PDE4D: variants seen among roughly 807,000 people sequenced by gnomAD.
PDE4D encodes 3',5'-cyclic-AMP phosphodiesterase 4D.
Under a neutral mutation model 87.4 loss-of-function variants are expected in PDE4D, and 24 were observed. The observed-to-expected ratio is 0.27, with a 90% CI of 0.20 to 0.39. The LOEUF (loss-of-function observed/expected upper bound fraction) is 0.39. PDE4D is among the 10% of genes least tolerant of loss of function. The pLI is 1.00. For synonymous variants in PDE4D, 384 were observed against 383.2 expected (o/e 1.00, Z -0.02); for missense variants, 714 against 1,041.0 (o/e 0.69, Z 4.32).
chr5:59,518,460 TG>T (rs879529065), intron 1 of PDE4D, among the ~76,000 whole-genome samples: 14 of 152,168 alleles, frequency 9.2e-5, no homozygotes, highest in Admixed American at 7.2e-4. Context: ...CTATGGTGGC[TG>T]CCCAGGAGGA....
At chr5:59,277,129 T>C (rs186224693) in intron 1 of PDE4D, among the ~76,000 whole-genome samples, 1 of 152,202 alleles carries the variant, frequency 6.6e-6, no homozygotes, top group East Asian at 1.9e-4. Flanking sequence ...GATGTTGGAG[T>C]GCAGTTGTGA....
chr5:59,206,831 C>T (rs1202092654), intron 2 of PDE4D, among the ~76,000 whole-genome samples: 2 of 152,106 alleles, frequency 1.3e-5, no homozygotes, highest in Admixed American at 6.6e-5. Flanking sequence ...TGGTCATCTC[C>T]AATAGAAGTC....
chr5:60,016,304 C>T (rs1223833901), intron 2 of PDE4D, among the ~76,000 whole-genome samples: 2 of 152,084 alleles, frequency 1.3e-5, no homozygotes, highest in Non-Finnish European at 2.9e-5. Context: ...CTAGAAAATG[C>T]TAACGATCAC....
intron 1 of PDE4D, among the ~76,000 whole-genome samples, chr5:59,305,482 G>A (rs886673546): frequency 6.6e-5 from 10 of 151,728 alleles, no homozygotes; most frequent in African/African-American, 2.4e-4. Context: ...GATCCCTGAG[G>A]TGTGACTGTA....
chr5:59,225,017 CTT>C (rs1272347922), intron 1 of PDE4D, among the ~76,000 whole-genome samples: 1 of 152,134 alleles, frequency 6.6e-6, no homozygotes, highest in East Asian at 1.9e-4. Flanking sequence ...TTATACATTA[CTT>C]TTTAATGACT....
chr5:60,504,114 C>T (rs1441661729), intron 1 of PDE4D, among the ~76,000 whole-genome samples: 2 of 152,098 alleles, frequency 1.3e-5, no homozygotes, highest in African/African-American at 2.4e-5. Flanking sequence ...GCTTCCTATC[C>T]GACCCATCAA....
At chr5:60,516,492 A>G (rs1750807713) in intron 1 of PDE4D, among the ~76,000 whole-genome samples, 1 of 152,174 alleles carries the variant, frequency 6.6e-6, no homozygotes, top group South Asian at 2.1e-4. Context: ...ACCCTTTCCC[A>G]TATGATGTCT....
At chr5:59,869,043 C>T (rs1747441635) in intron 1 of PDE4D, among the ~76,000 whole-genome samples, 1 of 152,160 alleles carries the variant, frequency 6.6e-6, no homozygotes, top group African/African-American at 2.4e-5. Context: ...ATTGAATTCA[C>T]TTTATGTTCA....
chr5:59,368,343 C>T (rs185333), intron 1 of PDE4D, among the ~76,000 whole-genome samples: 100,763 of 151,996 alleles, frequency 0.66, 34,086 homozygotes, highest in African/African-American at 0.78. Context: ...TTGGGGACTA[C>T]ATTAAAAATC....
At chr5:60,171,915 A>C (rs1024988161) in intron 2 of PDE4D, among the ~76,000 whole-genome samples, 1 of 151,710 alleles carries the variant, frequency 6.6e-6, no homozygotes, top group Non-Finnish European at 1.5e-5. Flanking sequence ...ACCTACATAA[A>C]ATTTTGAGAC....
chr5:58,974,449 G>T lies in PDE4D; in HGVS notation c.*215C>A. The stretch of plus-strand genomic sequence containing the variant: ...AAGCTGAAATCTTGTTAAAAACGCT[G>T]TTCGTGAAGATGTCCACCTTGCTCG... On this transcript the variant is annotated 3_prime_UTR_variant, in exon 15 of 15. Transcript: ENST00000340635. 2 of 382,690 alleles carry T rather than the reference G, an allele frequency of 5.2e-6. No homozygotes were observed. Among genetic ancestry groups the T allele is most frequent in the Non-Finnish European group, 9.3e-6 (2 of 214,540 alleles). The allele number at this position is 382,690 out of a possible 1,614,324, so 23.7% of individuals were successfully genotyped here.
intron 1 of PDE4D, among the ~76,000 whole-genome samples, chr5:59,364,471 T>C (rs1782726251): frequency 6.6e-6 from 1 of 152,218 alleles, no homozygotes; most frequent in Non-Finnish European, 1.5e-5. Context: ...TGATATCCAG[T>C]AAAATCATTT....
chr5:59,697,033 G>A (rs900072263), intron 1 of PDE4D, among the ~76,000 whole-genome samples: 2 of 152,200 alleles, frequency 1.3e-5, no homozygotes, highest in Non-Finnish European at 2.9e-5. Context: ...TAATGAAACT[G>A]AGAGAAGATA....
chr5:60,394,310 A>G (rs1012125269), intron 1 of PDE4D, among the ~76,000 whole-genome samples: 2 of 152,242 alleles, frequency 1.3e-5, no homozygotes, highest in Non-Finnish European at 2.9e-5. Flanking sequence ...AGTGGAGAAC[A>G]ATATATTTTA....
chr5:59,645,603 AC>A (rs1229959982), intron 1 of PDE4D, among the ~76,000 whole-genome samples: 1 of 152,094 alleles, frequency 6.6e-6, no homozygotes, highest in Admixed American at 6.5e-5. Context: ...CCACGAACAC[AC>A]CTGATTACCA....
At chr5:59,096,444 T>C (rs967203569) in intron 5 of PDE4D, among the ~76,000 whole-genome samples, 5 of 152,204 alleles carry the variant, frequency 3.3e-5, no homozygotes, top group African/African-American at 1.2e-4. Flanking sequence ...TTCTTCCTTT[T>C]GAAAAATAAC....
At chr5:60,313,741 G>A (rs1012668067) in intron 1 of PDE4D, among the ~76,000 whole-genome samples, 6 of 152,048 alleles carry the variant, frequency 3.9e-5, no homozygotes, top group Non-Finnish European at 7.4e-5. Context: ...AGCTAATTCA[G>A]CATGATTAAG....
At chr5:59,855,635 C>T (rs1745317016) in intron 1 of PDE4D, among the ~76,000 whole-genome samples, 1 of 152,148 alleles carries the variant, frequency 6.6e-6, no homozygotes, top group Admixed American at 6.6e-5. Flanking sequence ...CCAATGCCTA[C>T]TGTGAATGTT....
chr5:60,234,495 G>T (rs756761142), intron 1 of PDE4D, among the ~76,000 whole-genome samples: 3 of 151,758 alleles, frequency 2.0e-5, no homozygotes, highest in Non-Finnish European at 4.4e-5. Flanking sequence ...TGCAGCTCTA[G>T]AATTAATGTT....
Sources: allele counts gnomAD v4.1 joint callset (sites outside exome capture counted in the v4.1 genomes callset), GRCh38; gene constraint gnomAD v4.1.1; transcripts MANE v1.5; gene names NCBI Gene and HGNC (gene_info 2026-07-23, HGNC 2026-07-21).